The following SLC38A12 variants were observed in gnomAD, a reference collection of about 807,000 sequenced individuals.
SLC38A12 encodes the protein putative sodium-coupled neutral amino acid transporter 12.
the SLC38A12 span, chr17:74,795,101 C>T: frequency 6.2e-7 from 1 of 1,614,088 alleles, no homozygotes; most frequent in South Asian, 1.1e-5. Flanking sequence ...CTCCCTCATG[C>T]AGGTGACCTG....
the SLC38A12 span, among the ~76,000 whole-genome samples, chr17:74,832,509 C>G: frequency 1.3e-5 from 2 of 152,260 alleles, no homozygotes; most frequent in Non-Finnish European, 2.9e-5. Flanking sequence ...AACCACCTGT[C>G]CTTCCCGGAT....
At chr17:74,802,935 C>A in the SLC38A12 span, among the ~76,000 whole-genome samples, 3 of 152,156 alleles carry the variant, frequency 2.0e-5, no homozygotes, top group Non-Finnish European at 4.4e-5. Flanking sequence ...GCTCATCCCT[C>A]ACCCCACCCC....
At chr17:74,820,808 G>C in the SLC38A12 span, among the ~76,000 whole-genome samples, 27 of 152,260 alleles carry the variant, frequency 1.8e-4, no homozygotes, top group East Asian at 3.9e-3. Context: ...CAGACTCTGG[G>C]GGTGCACGCT....
chr17:74,777,263 G>A, the SLC38A12 span: 2 of 1,589,492 alleles, frequency 1.3e-6, no homozygotes, highest in South Asian at 2.2e-5. Context: ...TTTGTTTTAA[G>A]GAGCTGCGGC....
At chr17:74,795,626 C>G in the SLC38A12 span, 2 of 1,613,564 alleles carry the variant, frequency 1.2e-6, no homozygotes, top group Admixed American at 1.7e-5. Context: ...CCTACCGCAT[C>G]TACTTGGTGA....
the SLC38A12 span, among the ~76,000 whole-genome samples, chr17:74,820,620 G>A: frequency 6.6e-6 from 1 of 152,194 alleles, no homozygotes; most frequent in African/African-American, 2.4e-5. Flanking sequence ...AAACAAAGAA[G>A]GCTGTTGCTG....
At chr17:74,810,648 C>T in the SLC38A12 span, among the ~76,000 whole-genome samples, 71 of 152,376 alleles carry the variant, frequency 4.7e-4, no homozygotes, top group African/African-American at 1.3e-3. Context: ...ATCCCATCCC[C>T]TCCCAGTCTC....
chr17:74,798,486 C>T, the SLC38A12 span, among the ~76,000 whole-genome samples: 3 of 152,208 alleles, frequency 2.0e-5, no homozygotes, highest in Admixed American at 1.3e-4. Context: ...TTGTGCCTGA[C>T]GACCCTTGTC....
chr17:74,800,557 G>A, the SLC38A12 span, among the ~76,000 whole-genome samples: 1 of 152,260 alleles, frequency 6.6e-6, no homozygotes, highest in Non-Finnish European at 1.5e-5. Context: ...TCTTGCCAGT[G>A]CTGGGGCAGG....
At chr17:74,790,345 G>T in the SLC38A12 span, 36 of 1,554,538 alleles carry the variant, frequency 2.3e-5, no homozygotes, top group Admixed American at 5.8e-4. Context: ...GGGCCACAGG[G>T]TTCCCTTTCT....
At chr17:74,829,132 T>C in the SLC38A12 span, among the ~76,000 whole-genome samples, 2 of 152,190 alleles carry the variant, frequency 1.3e-5, no homozygotes, top group Non-Finnish European at 2.9e-5. The surrounding 1 kb of genome is among the most constrained non-coding windows in gnomAD (Gnocchi z 4.1). Context: ...AAGTCTTTTT[T>C]TTCTTTTTTG....
At chr17:74,804,322 C>T in the SLC38A12 span, among the ~76,000 whole-genome samples, 1 of 152,376 alleles carries the variant, frequency 6.6e-6, no homozygotes, top group African/African-American at 2.4e-5. Context: ...CGGTGCTGGC[C>T]CTGCACACTG....
the SLC38A12 span, among the ~76,000 whole-genome samples, chr17:74,832,525 C>T: frequency 6.6e-6 from 1 of 152,250 alleles, no homozygotes; most frequent in African/African-American, 2.4e-5. Flanking sequence ...CGGATATGCT[C>T]CTCACCATGG....
chr17:74,782,830 G>A, the SLC38A12 span, among the ~76,000 whole-genome samples: 2 of 152,188 alleles, frequency 1.3e-5, no homozygotes, highest in Non-Finnish European at 2.9e-5. Flanking sequence ...TTGTCTGTGG[G>A]ATCAAATTGA....
the SLC38A12 span, among the ~76,000 whole-genome samples, chr17:74,814,652 G>T: frequency 1.2e-4 from 19 of 152,262 alleles, no homozygotes; most frequent in African/African-American, 4.6e-4. Flanking sequence ...ACTGCCCCCC[G>T]CAGGAGGCAT....
At chr17:74,792,568 G>C in the SLC38A12 span, among the ~76,000 whole-genome samples, 1 of 152,156 alleles carries the variant, frequency 6.6e-6, no homozygotes, top group Non-Finnish European at 1.5e-5. Flanking sequence ...AACTGTCTTC[G>C]AAGATTTTCT....
At chr17:74,777,384 G>A in the SLC38A12 span, 18 of 1,614,056 alleles carry the variant, frequency 1.1e-5, no homozygotes, top group African/African-American at 2.3e-4. Context: ...ACGTGAGTGT[G>A]ACTTATAGAA....
the SLC38A12 span, among the ~76,000 whole-genome samples, chr17:74,787,868 AC>A: frequency 6.7e-4 from 101 of 150,268 alleles, 1 homozygote; most frequent in South Asian, 6.5e-3. Context: ...ATCTCGGCTC[AC>A]TGCAACTTCT....
chr17:74,801,890 T>C, the SLC38A12 span, among the ~76,000 whole-genome samples: 1 of 151,822 alleles, frequency 6.6e-6, no homozygotes, highest in Non-Finnish European at 1.5e-5. Flanking sequence ...ACCCCAGCCC[T>C]CCCTAAATGA....
Sources: allele counts gnomAD v4.1 joint callset (sites outside exome capture counted in the v4.1 genomes callset), GRCh38; gene constraint gnomAD v4.1.1; non-coding constraint Gnocchi (gnomAD v3.1); transcripts MANE v1.5; gene names NCBI Gene and HGNC (gene_info 2026-07-23, HGNC 2026-07-21).